LRRTM4: variants seen among roughly 807,000 people sequenced by gnomAD.
LRRTM4 encodes the protein leucine rich repeat transmembrane neuronal 4.
A neutral mutation model predicts 47.6 loss-of-function variants in LRRTM4; 25 were observed. The observed-to-expected ratio is 0.53, with a 90% CI of 0.38 to 0.73. LRRTM4 has a LOEUF of 0.73. Among genes scored for constraint, LRRTM4 ranks in the 30% least tolerant of loss-of-function variants. The probability of loss-of-function intolerance (pLI) is 0.00; values close to 1 mark genes in which losing one functional copy is unlikely to be tolerated. For missense variants in LRRTM4, 638 were observed against 713.4 expected (o/e 0.89, Z 1.20); for synonymous variants, 311 against 269.5 (o/e 1.15, Z -1.51).
At position 77,486,486 on chromosome 2, in the gene LRRTM4, G is replaced by A. The variant is rs1056925622; in HGVS notation, c.1551+31832C>T. 3.3e-5 allele frequency among the ~76,000 whole-genome samples: 5 copies of A among 151,952 alleles called. No homozygotes were observed. The East Asian group carries it at 9.7e-4, about 29-fold the overall frequency. ...TTGCACACATATTAAGAAAACACAC[G>A]GCATAATTGTGGATTATGGATTACA... On this transcript the variant is annotated intron_variant, in intron 3 of 3. Coordinates refer to ENST00000409884, the MANE Select transcript of LRRTM4 (RefSeq NM_001134745.3).
intron 3 of LRRTM4, among the ~76,000 whole-genome samples, chr2:77,346,112 GTTTGCATAA>G (rs1046653999): frequency 1.3e-5 from 2 of 151,956 alleles, no homozygotes; most frequent in Admixed American, 6.6e-5. Flanking sequence ...ATTCTCAAAA[GTTTGCATAA>G]TGTATGATTC....
intron 3 of LRRTM4, among the ~76,000 whole-genome samples, chr2:77,406,527 C>T (rs1434874106): frequency 1.3e-5 from 2 of 152,010 alleles, no homozygotes; most frequent in Non-Finnish European, 2.9e-5. Context: ...GTCTTGAACG[C>T]CTGGGTTCAA....
At chr2:76,791,409 T>G (rs1674962866) in intron 3 of LRRTM4, among the ~76,000 whole-genome samples, 1 of 152,170 alleles carries the variant, frequency 6.6e-6, no homozygotes, top group African/African-American at 2.4e-5. Context: ...GAATGTAAGT[T>G]TCATACATAA....
intron 3 of LRRTM4, among the ~76,000 whole-genome samples, chr2:77,465,574 C>G (rs546382223): frequency 6.6e-6 from 1 of 152,152 alleles, no homozygotes; most frequent in Non-Finnish European, 1.5e-5. Context: ...TTGTTATTCT[C>G]CCTTGTGAAA....
chr2:77,097,151 A>T (rs1670833333), intron 3 of LRRTM4, among the ~76,000 whole-genome samples: 1 of 151,924 alleles, frequency 6.6e-6, no homozygotes, highest in African/African-American at 2.4e-5. Flanking sequence ...GAGAATTTTT[A>T]TATAATGATA....
At chr2:77,388,999 G>A (rs1387433453) in intron 3 of LRRTM4, among the ~76,000 whole-genome samples, 1 of 151,946 alleles carries the variant, frequency 6.6e-6, no homozygotes, top group Non-Finnish European at 1.5e-5. Context: ...GGATAGTATG[G>A]ATTCAGAAAG....
chr2:76,898,815 T>TTA (rs1371681107), intron 3 of LRRTM4, among the ~76,000 whole-genome samples: 2 of 151,006 alleles, frequency 1.3e-5, no homozygotes, highest in Non-Finnish European at 3.0e-5. Context: ...ATTTTATATT[T>TTA]TATATATACT....
In LRRTM4 at chr2:77,092,270, G is replaced by A. The variant is rs565062759; in HGVS notation, c.1552-343354C>T. ...TCCTGATACCACACCTGACCCCCAT[G>A]ACTGTATCTCTGTGATCCACCTGAC... On this transcript the variant is annotated intron_variant, in intron 3 of 3. Transcript: ENST00000409884. Among the ~76,000 whole-genome samples, 317 of 151,908 alleles carry A rather than the reference G, an allele frequency of 2.1e-3. 1 individual carries two copies. The highest frequency in any genetic ancestry group is 0.01 in the Middle Eastern group (3 of 294).
rs530042655 is a variant in LRRTM4 at position 76,804,975 on chromosome 2, A to G, written c.1552-56059T>C. On this transcript the variant is annotated intron_variant, in intron 3 of 3. Transcript: ENST00000409884. ...TTGAGTTGCCTGTCATTTATGATAA[A>G]AATGAATAGGCACCCATTGTCATAA... Among the ~76,000 whole-genome samples the G allele has an allele frequency of 2.0e-5, 3 of 152,214 alleles. No individual in the cohort carries two copies. The East Asian group carries it at 5.8e-4, about 29-fold the overall frequency.
chr2:76,923,284 T>A (rs74479743), intron 3 of LRRTM4, among the ~76,000 whole-genome samples: 13,194 of 152,094 alleles, frequency 0.087, 916 homozygotes, highest in East Asian at 0.38. Context: ...CAACCAGTAG[T>A]ATGCTGGAGC....
intron 3 of LRRTM4, among the ~76,000 whole-genome samples, chr2:77,077,788 C>G (rs1680386753): frequency 6.6e-6 from 1 of 151,998 alleles, no homozygotes; most frequent in African/African-American, 2.4e-5. Context: ...TGGAACATAC[C>G]CAACAACTTC....
rs530600585 is a variant in LRRTM4 at position 77,130,391 on chromosome 2, A to G, written c.1552-381475T>C. Among the ~76,000 whole-genome samples, 123 of 152,180 alleles carry G rather than the reference A, an allele frequency of 8.1e-4. 1 individual carries two copies. The highest frequency in any genetic ancestry group is 2.9e-3 in the African/African-American group (121 of 41,556). On this transcript the variant is annotated intron_variant, in intron 3 of 3. Coordinates refer to ENST00000409884, the MANE Select transcript of LRRTM4 (RefSeq NM_001134745.3). ...TGGATTGTTTAAGGGTGTGGCAGACAGCTTTATTTTCTTTACTTAATTATT... is the reference window on the plus strand; with the variant it reads ...TGGATTGTTTAAGGGTGTGGCAGACGGCTTTATTTTCTTTACTTAATTATT...
At chr2:77,135,401 T>C (rs1671908355) in intron 3 of LRRTM4, among the ~76,000 whole-genome samples, 2 of 152,182 alleles carry the variant, frequency 1.3e-5, no homozygotes, top group South Asian at 4.1e-4. Context: ...GAGTTATCAG[T>C]GAGGAGTTCT....
At chr2:77,439,171 C>G (rs1281438302) in intron 3 of LRRTM4, among the ~76,000 whole-genome samples, 1 of 152,108 alleles carries the variant, frequency 6.6e-6, no homozygotes, top group African/African-American at 2.4e-5. Flanking sequence ...GATTCTGCAC[C>G]TATAAAAGAA....
chr2:77,044,217 AC>A (rs1293111546), intron 3 of LRRTM4, among the ~76,000 whole-genome samples: 1 of 151,796 alleles, frequency 6.6e-6, no homozygotes. Context: ...ATACCTGAGT[AC>A]CCTGAACACT....
At chr2:77,017,204 C>T (rs567479406) in intron 3 of LRRTM4, among the ~76,000 whole-genome samples, 23 of 152,184 alleles carry the variant, frequency 1.5e-4, no homozygotes, top group African/African-American at 5.3e-4. Flanking sequence ...TCCAAGGTGG[C>T]AAAGACATTT....
At chr2:77,456,992 ATGTGTGTG>A (rs372166999) in intron 3 of LRRTM4, among the ~76,000 whole-genome samples, 1 of 123,480 alleles carries the variant, frequency 8.1e-6, no homozygotes, top group Non-Finnish European at 1.7e-5. Context: ...ATATTAGTGT[ATGTGTGTG>A]TGTGTATATA....
At chr2:77,117,551 G>T (rs1671420117) in intron 3 of LRRTM4, among the ~76,000 whole-genome samples, 1 of 151,140 alleles carries the variant, frequency 6.6e-6, no homozygotes, top group Non-Finnish European at 1.5e-5. Flanking sequence ...GCTCCATATG[G>T]GCATGGCAAA....
intron 3 of LRRTM4, among the ~76,000 whole-genome samples, chr2:77,428,979 C>A (rs1040333859): frequency 1.3e-5 from 2 of 152,176 alleles, no homozygotes; most frequent in African/African-American, 4.8e-5. Context: ...CTAAATTAAT[C>A]CTTTACTGGG....
Sources: gnomAD v4.1 joint callset for allele counts (sites outside exome capture counted in the v4.1 genomes callset) on GRCh38, gnomAD v4.1.1 for gene constraint, MANE v1.5 for transcripts, NCBI Gene and HGNC (gene_info 2026-07-23, HGNC 2026-07-21) for gene names.